The following EPHA6 variants were observed in gnomAD, a reference collection of about 807,000 sequenced individuals.
The protein encoded by EPHA6 is ephrin type-A receptor 6.
A neutral mutation model predicts 112.0 loss-of-function variants in EPHA6; 50 were observed. The ratio of observed to expected loss-of-function variants is 0.45; its 90% CI spans 0.36 to 0.56. The LOEUF (loss-of-function observed/expected upper bound fraction) is 0.56, where lower values mean the gene tolerates loss of function less well. Among genes scored for constraint, EPHA6 ranks in the 20% least tolerant of loss-of-function variants. EPHA6 has a pLI of 0.00. For synonymous variants in EPHA6, 529 were observed against 490.7 expected, an observed-to-expected ratio of 1.08 and a Z score of -1.03; for missense variants, 1,280 against 1,417.4, an observed-to-expected ratio of 0.90 and a Z score of 1.56.
rs1559834032 is a variant in EPHA6 at position 96,922,689 on chromosome 3, T to TGCAG, written c.450+55801_450+55802insCAGG. Among the ~76,000 whole-genome samples, 13 of 152,244 alleles carry TGCAG rather than the reference T, an allele frequency of 8.5e-5. No individual in the cohort carries two copies. In the South Asian group the frequency reaches 2.5e-3, roughly 29 times the overall value. On this transcript the variant is annotated intron_variant, in intron 2 of 17. Coordinates refer to ENST00000389672, the MANE Select transcript of EPHA6 (RefSeq NM_001080448.3). ...AGTTCAGGGCTATGTGTGCAGGATG[T>TGCAG]GTGGGTTTGTTACATAGATAAACAT...
intron 3 of EPHA6, among the ~76,000 whole-genome samples, chr3:97,035,859 G>A (rs925830220): frequency 4.0e-5 from 6 of 151,876 alleles, no homozygotes; most frequent in South Asian, 2.1e-4. Flanking sequence ...TGGACGGAAT[G>A]TATTTCCCCA....
intron 2 of EPHA6, among the ~76,000 whole-genome samples, chr3:96,955,318 C>G (rs1308869788): frequency 6.6e-6 from 1 of 152,062 alleles, no homozygotes; most frequent in Non-Finnish European, 1.5e-5. Context: ...TATCTCTTTT[C>G]ATTTATTTGG....
intron 11 of EPHA6, among the ~76,000 whole-genome samples, chr3:97,569,697 T>C (rs957957391): frequency 6.6e-6 from 1 of 152,228 alleles, no homozygotes; most frequent in Non-Finnish European, 1.5e-5. Flanking sequence ...GCAAAACTAT[T>C]GTTTTAATTG....
At position 96,849,567 on chromosome 3, in the gene EPHA6, G is replaced by T. The variant is rs977961535; in HGVS notation, c.386-17258G>T. On this transcript the variant is annotated intron_variant, in intron 1 of 17. Transcript: ENST00000389672. ...GATCCCTTCAAAATGTCAAATCTTAGAAATTACTTTTCTTTCACTCTTCTA... is the reference window on the plus strand; with the variant it reads ...GATCCCTTCAAAATGTCAAATCTTATAAATTACTTTTCTTTCACTCTTCTA... Among the ~76,000 whole-genome samples, 3 of 152,176 alleles carry T rather than the reference G, an allele frequency of 2.0e-5. No homozygotes were observed. The South Asian group carries it at 6.2e-4, about 32-fold the overall frequency.
rs148481136 is a variant in EPHA6, at chr3:97,253,395, A to C, written c.1606+9108A>C. On this transcript the variant is annotated intron_variant, in intron 5 of 17. Coordinates refer to ENST00000389672, the MANE Select transcript of EPHA6 (RefSeq NM_001080448.3). ...TTCCATAATTTAATGCATTCTAGTT[A>C]TTTTGACATTCTAATAGGTCTAAGG... Among the ~76,000 whole-genome samples, 4 of 152,318 alleles carry C rather than the reference A, an allele frequency of 2.6e-5. No homozygotes were observed. The East Asian group carries it at 7.7e-4, about 29-fold the overall frequency.
At chr3:97,134,213 A>G (rs1441764627) in intron 3 of EPHA6, among the ~76,000 whole-genome samples, 1 of 151,988 alleles carries the variant, frequency 6.6e-6, no homozygotes, top group Non-Finnish European at 1.5e-5. Flanking sequence ...GAAAATAGCA[A>G]CTCTTTCAAT....
At chr3:97,128,518 GA>G (rs777474302) in intron 3 of EPHA6, among the ~76,000 whole-genome samples, 69 of 152,092 alleles carry the variant, frequency 4.5e-4, no homozygotes, top group Non-Finnish European at 8.7e-4. Flanking sequence ...CATTTTGGGG[GA>G]TTTTTTTTGG....
At position 97,697,300 on chromosome 3, in the gene EPHA6, A is replaced by G. The variant is rs75442460; in HGVS notation, c.2785-22961A>G. 9.6e-3 allele frequency among the ~76,000 whole-genome samples: 1,464 copies of G among 152,320 alleles called. 24 individuals are homozygous for G. The highest frequency in any genetic ancestry group is 0.034 in the African/African-American group (1,402 of 41,592). On this transcript the variant is annotated intron_variant, in intron 14 of 17. Coordinates refer to ENST00000389672, the MANE Select transcript of EPHA6 (RefSeq NM_001080448.3). ...TTTTCAAGCCTTGGAATAATGTAGG[A>G]TAGGTTTATAATTTAGAATACTTGC...
chr3:96,985,054 G>A (rs957238669), intron 2 of EPHA6, among the ~76,000 whole-genome samples: 1 of 152,144 alleles, frequency 6.6e-6, no homozygotes, highest in African/African-American at 2.4e-5. Flanking sequence ...TGCACCCACT[G>A]TCCTGCCCCC....
Position 97,173,976 on chromosome 3 carries a change from T to C in EPHA6, c.1115-52288T>C, listed in dbSNP as rs188215107. Among the ~76,000 whole-genome samples the C allele has an allele frequency of 1.1e-3, 164 of 151,880 alleles. 2 individuals carry two copies. The highest frequency in any genetic ancestry group is 3.8e-3 in the African/African-American group (156 of 41,538). Reference sequence around the variant, plus strand: ...TGTACTTTCAAACATTATGTCTTATTCATTCTTTCTATTTTTTTTACCCAT... The same window carrying C: ...TGTACTTTCAAACATTATGTCTTATCCATTCTTTCTATTTTTTTTACCCAT... On this transcript the variant is annotated intron_variant, in intron 3 of 17. Transcript: ENST00000389672.
In EPHA6 at chr3:97,516,276, C is replaced by A. The variant is rs78883293; in HGVS notation, c.2201-16082C>A. 2.1e-3 allele frequency among the ~76,000 whole-genome samples: 326 copies of A among 152,314 alleles called. 4 individuals are homozygous for A. Among genetic ancestry groups the A allele is most frequent in the East Asian group, 5.0e-3 (26 of 5,184 alleles). On this transcript the variant is annotated intron_variant, in intron 10 of 17. Transcript: ENST00000389672. ...GTGACACCAGAAATGGAAGCCCTAA[C>A]TTCTAAGATCGTGTCCTGACAAATG...
At chr3:97,648,612 A>C in intron 14 of EPHA6, 1 of 1,137,270 alleles carries the variant, frequency 8.8e-7, no homozygotes, top group Non-Finnish European at 1.1e-6. Flanking sequence ...AACATGAGTA[A>C]ATGGGATTCG....
chr3:97,324,466 T>TTTCTTTCTTTCTTTCTTTCTTTC (rs2082308744), intron 5 of EPHA6, among the ~76,000 whole-genome samples: 1 of 148,866 alleles, frequency 6.7e-6, no homozygotes, highest in Non-Finnish European at 1.5e-5. Flanking sequence ...TCTTTCTTTC[T>TTTCTTTCTTTCTTTCTTTCTTTC]TTCTTTTTCT....
At chr3:96,957,633 A>G (rs974721535) in intron 2 of EPHA6, among the ~76,000 whole-genome samples, 2 of 152,164 alleles carry the variant, frequency 1.3e-5, no homozygotes, top group African/African-American at 4.8e-5. Flanking sequence ...TACATAATCA[A>G]CTCACATTGG....
chr3:96,888,289 C>T (rs988912471), intron 2 of EPHA6, among the ~76,000 whole-genome samples: 3 of 150,978 alleles, frequency 2.0e-5, no homozygotes, highest in East Asian at 1.9e-4. Context: ...GTATTTCGCT[C>T]GGCTCTCCAA....
intron 3 of EPHA6, among the ~76,000 whole-genome samples, chr3:97,151,428 A>C (rs953184012): frequency 6.6e-6 from 1 of 152,140 alleles, no homozygotes; most frequent in Admixed American, 6.6e-5. Context: ...CATAGTAGGT[A>C]ATCAATAAAA....
At chr3:96,944,280 A>G (rs1301488347) in intron 2 of EPHA6, among the ~76,000 whole-genome samples, 3 of 152,094 alleles carry the variant, frequency 2.0e-5, no homozygotes, top group African/African-American at 7.2e-5. Context: ...ATCATACATA[A>G]TAGCCACCTC....
chr3:96,987,681 C>T lies in EPHA6; in HGVS notation c.802C>T (p.Arg268Cys), dbSNP rs750297483. Residue 268 changes from arginine (R) to cysteine (C), a missense_variant, in exon 3 of 18, where the codon CGT becomes TGT. Arg to Cys is a radical substitution (Grantham distance 180, BLOSUM62 -3). Around this residue, in one of 4 missense-constraint regions of EPHA6, gnomAD observed 878 missense variants for 999.7 expected, o/e 0.88. Coordinates refer to ENST00000389672, the MANE Select transcript of EPHA6 (RefSeq NM_001080448.3). ...DRILKLNTEI[R>C]EVGPIERKGF... ...CATCCTCAAACTCAACACTGAAATT[C>T]GTGAGGTGGGGCCTATAGAAAGGAA... 174 of 1,605,926 alleles carry T rather than the reference C, an allele frequency of 1.1e-4. No homozygotes were observed. The highest frequency in any genetic ancestry group is 1.3e-4 in the Non-Finnish European group (150 of 1,174,522).
chr3:97,165,969 C>T (rs1270822869), intron 3 of EPHA6, among the ~76,000 whole-genome samples: 1 of 152,090 alleles, frequency 6.6e-6, no homozygotes, highest in Admixed American at 6.6e-5. Context: ...AAAAGAAGTG[C>T]ATGACTAGAT....
Sources: gnomAD v4.1 joint callset for allele counts (sites outside exome capture counted in the v4.1 genomes callset) on GRCh38, gnomAD v4.1.1 for gene constraint, gnomAD v4.1.1 regional missense constraint, MANE v1.5 for transcripts, NCBI Gene and HGNC (gene_info 2026-07-23, HGNC 2026-07-21) for gene names.